Variants in HJURP observed in about 807,000 individuals in gnomAD.
HJURP encodes 14-3-3-associated AKT substrate.
HJURP carries 49 observed loss-of-function variants against 72.0 expected under a neutral mutation model. The ratio of observed to expected loss-of-function variants is 0.68; its 90% CI spans 0.54 to 0.86. HJURP has a LOEUF of 0.86. Ranked by LOEUF, HJURP falls within the 40% of genes least tolerant of loss-of-function variation. The probability of loss-of-function intolerance (pLI) is 0.00; values close to 1 mark genes in which losing one functional copy is unlikely to be tolerated. For synonymous variants in HJURP, 357 were observed against 347.1 expected (o/e 1.03, Z -0.32); for missense variants, 908 against 936.3 (o/e 0.97, Z 0.39).
At chr2:233,840,093 G>A (rs578208751) in intron 8 of HJURP, among the ~76,000 whole-genome samples, 9 of 152,244 alleles carry the variant, frequency 5.9e-5, no homozygotes, top group Non-Finnish European at 1.2e-4. Context: ...AGGTGCAGAA[G>A]TTTTAACACT....
chr2:233,841,423 G>T lies in HJURP; in HGVS notation c.1357C>A (p.Pro453Thr), dbSNP rs1206188443. 6.2e-7 allele frequency: 1 copy of T among 1,614,176 alleles called. No homozygotes were observed. The highest frequency in any genetic ancestry group is 1.7e-5 in the Admixed American group (1 of 60,026). ...REYCLSPRNQ[P>T]RRMCLPDSWA... ...GAGTCCGGGAGGCACATCCGGCGAG[G>T]CTGGTTCCTGGGACTCAGGCAATAT... The change falls in exon 8 of 9, where the codon CCT becomes ACT. Residue 453 changes from proline (P) to threonine (T), a missense_variant. This residue lies in a region of HJURP where 598 missense variants were observed against 619.5 expected (regional missense o/e 0.97). Coordinates refer to ENST00000411486, the MANE Select transcript of HJURP (RefSeq NM_018410.5).
intron 8 of HJURP, among the ~76,000 whole-genome samples, chr2:233,839,767 C>T (rs1280213975): frequency 6.6e-6 from 1 of 152,158 alleles, no homozygotes; most frequent in African/African-American, 2.4e-5. Flanking sequence ...AGAGGCACAT[C>T]GCCAGGCTAG....
In HJURP at chr2:233,841,554, C is replaced by A; in HGVS notation, c.1226G>T (p.Trp409Leu). 6.2e-7 allele frequency: 1 copy of A among 1,614,030 alleles called. No homozygotes were observed. Among genetic ancestry groups the A allele is most frequent in the Non-Finnish European group, 8.5e-7 (1 of 1,179,904 alleles). The change falls in exon 8 of 9, where the codon TGG becomes TTG. Residue 409 changes from tryptophan (W) to leucine (L), a missense_variant. Transcript: ENST00000411486. Reference protein sequence around the residue: ...DEENRFRTLKWLISPVKIVSR... With the variant: ...DEENRFRTLKLLISPVKIVSR... ...AACTATTTTTACAGGAGAAATTAACCATTTTAATGTCCTAAATCTATTTTC... is the reference window on the plus strand; with the variant it reads ...AACTATTTTTACAGGAGAAATTAACAATTTTAATGTCCTAAATCTATTTTC...
In HJURP at chr2:233,844,295, G is replaced by A. The variant is rs749168763; in HGVS notation, c.496-12C>T. 21 of 1,613,316 alleles carry A rather than the reference G, an allele frequency of 1.3e-5. No homozygotes were observed. Among genetic ancestry groups the A allele is most frequent in the Non-Finnish European group, 1.7e-5 (20 of 1,179,302 alleles). ...CTGTTACCTGCACACTGAAATCAGA[G>A]CCAGTGGTTACAAGAAAAAAGTTGC... On this transcript the variant is annotated splice_polypyrimidine_tract_variant and intron_variant, in intron 6 of 8. Coordinates refer to ENST00000411486, the MANE Select transcript of HJURP (RefSeq NM_018410.5).
At chr2:233,842,855 T>C (rs1447720710) in intron 7 of HJURP, among the ~76,000 whole-genome samples, 3 of 152,202 alleles carry the variant, frequency 2.0e-5, no homozygotes, top group Non-Finnish European at 1.5e-5. Context: ...GAGCACGTGT[T>C]AACTCACTGC....
chr2:233,837,696 T>C, intron 8 of HJURP, 44 bp from the exon 9 acceptor site: 2 of 1,312,358 alleles, frequency 1.5e-6, no homozygotes, highest in African/African-American at 2.9e-5. Flanking sequence ...AGCAAAATTC[T>C]AGAATTCCCA....
At chr2:233,853,493 TTACAAC>T (rs1429955439) in intron 2 of HJURP, among the ~76,000 whole-genome samples, 1 of 152,188 alleles carries the variant, frequency 6.6e-6, no homozygotes, top group East Asian at 1.9e-4. Flanking sequence ...TACGTGACTG[TTACAAC>T]ACCCACGCCC....
In HJURP at chr2:233,841,818, T is replaced by C. The variant is rs1276315368; in HGVS notation, c.962A>G (p.Lys321Arg). ...KGARRSQRSS[K>R]ENFIPCSEPV... ...CTCAGAGCAGGGTATGAAGTTCTCC[T>C]TGGAGCTCCTCTGAGAACGTCTGGC... The change falls in exon 8 of 9, where the codon AAG (lysine) becomes AGG (arginine). Residue 321 changes from lysine to arginine, a missense_variant. Around this residue, in one of 3 missense-constraint regions of HJURP, gnomAD observed 598 missense variants for 619.5 expected, o/e 0.97. Transcript: ENST00000411486. 3.7e-6 allele frequency: 6 copies of C among 1,614,170 alleles called. No individual in the cohort carries two copies. Among genetic ancestry groups the C allele is most frequent in the Non-Finnish European group, 5.1e-6 (6 of 1,179,996 alleles).
chr2:233,842,552 T>C (rs904625434), intron 7 of HJURP, among the ~76,000 whole-genome samples: 1 of 151,856 alleles, frequency 6.6e-6, no homozygotes, highest in African/African-American at 2.4e-5. Context: ...CCTCTTCATA[T>C]AGCTTTGACT....
intron 2 of HJURP, 145 bp from the exon 3 acceptor site, chr2:233,852,765 T>C (rs141098001): frequency 4.8e-5 from 29 of 602,076 alleles, no homozygotes; most frequent in African/African-American, 3.9e-4. Context: ...CCTGCGATTG[T>C]TCCTCTTTGT....
chr2:233,847,435 T>A lies in HJURP; in HGVS notation c.364A>T (p.Thr122Ser). The change falls in exon 5 of 9, where the codon ACG (threonine) becomes TCG (serine). Residue 122 changes from threonine (T) to serine (S), a missense_variant. Around this residue, in one of 3 missense-constraint regions of HJURP, gnomAD observed 299 missense variants for 286.7 expected, o/e 1.04. Transcript: ENST00000411486. ...GCAACTGACTCTTCCTGGTCTGACG[T>A]GGCATCGACCTCACCGCTTTTTGAA... ...ADSKSGEVDA[T>S]SDQEESVAWA... 6.2e-7 allele frequency: 1 copy of A among 1,614,156 alleles called. No homozygotes were observed. The highest frequency in any genetic ancestry group is 1.1e-5 in the South Asian group (1 of 91,090).
At chr2:233,837,683 GT>G in intron 8 of HJURP, 31 bp from the exon 9 acceptor site, 1 of 1,459,892 alleles carries the variant, frequency 6.8e-7, no homozygotes, top group Non-Finnish European at 9.5e-7. Flanking sequence ...AGAAAATGAT[GT>G]TAGCAAAATT....
At chr2:233,851,582 T>C (rs182887462) in intron 3 of HJURP, among the ~76,000 whole-genome samples, 11 of 152,258 alleles carry the variant, frequency 7.2e-5, no homozygotes, top group Admixed American at 5.2e-4. Flanking sequence ...ATTTTTTAAA[T>C]AATTATATAA....
Position 233,853,928 on chromosome 2 carries a change from G to A in HJURP, c.118-18C>T. On this transcript the variant is annotated intron_variant, in intron 1 of 8. Coordinates refer to ENST00000411486, the MANE Select transcript of HJURP (RefSeq NM_018410.5). Reference sequence around the variant, plus strand: ...TGGTTGTACTGCGGAGGAGGAAGGGGCTTCCTGTCAGGTTCCAGGGCCACG... The same window carrying A: ...TGGTTGTACTGCGGAGGAGGAAGGGACTTCCTGTCAGGTTCCAGGGCCACG... 1 of 1,611,764 alleles carries A rather than the reference G, an allele frequency of 6.2e-7. No homozygotes were observed.
rs759707545 is a variant in HJURP, at chr2:233,849,764, G to A, written c.336C>T (p.Ala112=). ...ELPSHRTVLG[A]DSKSGEVDAT... is the part of the protein sequence containing the mutation. ...TTCTCTGACGAAGGCAACACTCACCGGCTCCCAGGACTGTGCGGTGCGAGG... is the reference window on the plus strand; with the variant it reads ...TTCTCTGACGAAGGCAACACTCACCAGCTCCCAGGACTGTGCGGTGCGAGG... The change falls in exon 4 of 9, where the codon GCC becomes GCT. Residue 112 remains alanine (A), a splice_region_variant and synonymous_variant. Coordinates refer to ENST00000411486, the MANE Select transcript of HJURP (RefSeq NM_018410.5). 1.4e-5 allele frequency: 21 copies of A among 1,549,654 alleles called. No individual in the cohort carries two copies. Among genetic ancestry groups the A allele is most frequent in the African/African-American group, 5.5e-5 (4 of 73,070 alleles).
At chr2:233,839,692 C>T (rs1705170650) in intron 8 of HJURP, among the ~76,000 whole-genome samples, 1 of 152,166 alleles carries the variant, frequency 6.6e-6, no homozygotes, top group African/African-American at 2.4e-5. Context: ...CAGGCGGGTC[C>T]AGGTGGGAGA....
Position 233,846,526 on chromosome 2 carries a change from C to T in HJURP, c.403-706G>A, listed in dbSNP as rs1011783876. On this transcript the variant is annotated intron_variant, in intron 5 of 8. Coordinates refer to ENST00000411486, the MANE Select transcript of HJURP (RefSeq NM_018410.5). This position sits in a 1 kb window ranked among gnomAD's most constrained non-coding sequence, Gnocchi z 4.3. The stretch of plus-strand genomic sequence containing the variant: ...TCTCCTACCCCTCCCCTGCTAGACA[C>T]TGGAAATAGAGGGCGTCACCCTCTA... Among the ~76,000 whole-genome samples, 6 of 152,190 alleles carry T rather than the reference C, an allele frequency of 3.9e-5. No individual in the cohort carries two copies. Among genetic ancestry groups the T allele is most frequent in the Non-Finnish European group, 5.9e-5 (4 of 68,034 alleles).
In HJURP at chr2:233,840,749, C is replaced by G; in HGVS notation, c.2031G>C (p.Gln677His). Reference protein sequence around the residue: ...AITRDGTRDHQFPAKRPRLSE... With the variant: ...AITRDGTRDHHFPAKRPRLSE... ...ATAGCCTGGGTCTTTTTGCAGGGAACTGATGGTCCCTCGTGCCATCCCTCG... is the reference window on the plus strand; with the variant it reads ...ATAGCCTGGGTCTTTTTGCAGGGAAGTGATGGTCCCTCGTGCCATCCCTCG... The change falls in exon 8 of 9, where the codon CAG (glutamine) becomes CAC (histidine). Residue 677 changes from glutamine (Q) to histidine (H), a missense_variant. Coordinates refer to ENST00000411486, the MANE Select transcript of HJURP (RefSeq NM_018410.5). 6.2e-7 allele frequency: 1 copy of G among 1,614,120 alleles called. No homozygotes were observed. Among genetic ancestry groups the G allele is most frequent in the Non-Finnish European group, 8.5e-7 (1 of 1,180,022 alleles).
chr2:233,851,839 G>A (rs549335410), intron 3 of HJURP, among the ~76,000 whole-genome samples: 3 of 152,098 alleles, frequency 2.0e-5, no homozygotes, highest in East Asian at 1.9e-4. Context: ...TGTTAATATC[G>A]TCACATTGAT....
Sources: gnomAD v4.1 joint callset for allele counts (sites outside exome capture counted in the v4.1 genomes callset) on GRCh38, gnomAD v4.1.1 for gene constraint, gnomAD v4.1.1 regional missense constraint, Gnocchi (gnomAD v3.1) non-coding constraint, MANE v1.5 for transcripts, NCBI Gene and HGNC (gene_info 2026-07-23, HGNC 2026-07-21) for gene names.